CYP2J2: variants seen among roughly 807,000 people sequenced by gnomAD.
The protein encoded by CYP2J2 is cytochrome P450 2J2.
In CYP2J2, 41 loss-of-function variants were observed where a neutral mutation model predicts 48.8. That is an observed-to-expected ratio of 0.84 (90% CI 0.66 to 1.09). The LOEUF is 1.09. Among genes scored for constraint, CYP2J2 ranks in the 50% least tolerant of loss-of-function variants. CYP2J2 has a pLI of 0.00. For missense variants in CYP2J2, 644 were observed against 617.3 expected (o/e 1.04, Z -0.46); for synonymous variants, 221 against 227.1 (o/e 0.97, Z 0.24).
At chr1:59,958,643 T>C in the CYP2J2 span, among the ~76,000 whole-genome samples, 1 of 152,172 alleles carries the variant, frequency 6.6e-6, no homozygotes, top group East Asian at 1.9e-4. Context: ...ACTTGGCATG[T>C]AACTTACTCT....
the CYP2J2 span, among the ~76,000 whole-genome samples, chr1:59,945,510 G>T: frequency 0.028 from 4,169 of 151,586 alleles, 209 homozygotes; most frequent in African/African-American, 0.097. Context: ...GGCCTCCATG[G>T]GCTCTATTGA....
At chr1:59,959,875 A>G in the CYP2J2 span, among the ~76,000 whole-genome samples, 7 of 152,112 alleles carry the variant, frequency 4.6e-5, no homozygotes, top group Non-Finnish European at 7.4e-5. Flanking sequence ...GAATGACACA[A>G]TGGACTTTGG....
At chr1:59,962,586 A>G in the CYP2J2 span, among the ~76,000 whole-genome samples, 1 of 152,346 alleles carries the variant, frequency 6.6e-6, no homozygotes, top group East Asian at 1.9e-4. Context: ...AAGACAAAAA[A>G]TCTGTAAAAA....
At chr1:59,945,215 T>C in the CYP2J2 span, among the ~76,000 whole-genome samples, 1 of 152,178 alleles carries the variant, frequency 6.6e-6, no homozygotes, top group Non-Finnish European at 1.5e-5. Flanking sequence ...CTCTGAATTC[T>C]TTTGTGGTTT....
Position 59,893,687 on chromosome 1 carries a change from T to A in CYP2J2, c.1473A>T (p.Pro491=). The A allele has an allele frequency of 6.2e-7, 1 of 1,612,790 alleles. No individual in the cohort carries two copies. The highest frequency in any genetic ancestry group is 2.2e-5 in the East Asian group (1 of 44,876). Residue 491 remains proline (P), a synonymous_variant, in exon 9 of 9, where the codon CCA becomes CCT. Coordinates refer to ENST00000371204, the MANE Select transcript of CYP2J2 (RefSeq NM_000775.4). ...GAACAGCGCAGAGGCGGTGACTGAC[T>A]GGGGAAATGGTGATACCCATTCTAA... ...LKFRMGITIS[P]VSHRLCAVPQ... is the part of the protein sequence containing the mutation.
intron 8 of CYP2J2, among the ~76,000 whole-genome samples, chr1:59,895,636 G>T (rs1463515075): frequency 3.3e-5 from 5 of 151,558 alleles, no homozygotes; most frequent in Admixed American, 1.3e-4. Context: ...ATATTTTTTT[G>T]ATTTATTTTT....
At chr1:59,923,120 C>T (rs1248233743) in intron 1 of CYP2J2, among the ~76,000 whole-genome samples, 1 of 152,210 alleles carries the variant, frequency 6.6e-6, no homozygotes, top group East Asian at 1.9e-4. Flanking sequence ...ACTCTCTTCC[C>T]TCCGTAGTAA....
chr1:59,904,787 T>A, intron 7 of CYP2J2, 84 bp downstream of exon 7: 1 of 1,185,262 alleles, frequency 8.4e-7, no homozygotes, highest in Non-Finnish European at 1.2e-6. Context: ...ATTTAAATGA[T>A]TCCTTAGGAC....
chr1:59,941,307 C>T, the CYP2J2 span, among the ~76,000 whole-genome samples: 275 of 152,214 alleles, frequency 1.8e-3, 1 homozygote, highest in African/African-American at 6.3e-3. Context: ...ATTCCTATCT[C>T]CTAGTGATGT....
chr1:59,910,168 C>T (rs1201239847), intron 4 of CYP2J2, among the ~76,000 whole-genome samples: 1 of 152,002 alleles, frequency 6.6e-6, no homozygotes, highest in Non-Finnish European at 1.5e-5. Context: ...CCATTTCTCA[C>T]CACCGCAACA....
chr1:59,895,130 T>C (rs905782915), intron 8 of CYP2J2, among the ~76,000 whole-genome samples: 1 of 152,246 alleles, frequency 6.6e-6, no homozygotes, highest in Admixed American at 6.5e-5. Context: ...CACTGATGCA[T>C]GACCAACATC....
Position 59,916,079 on chromosome 1 carries a change from G to A in CYP2J2, c.232C>T (p.Leu78Phe). 1 of 1,609,732 alleles carries A rather than the reference G, an allele frequency of 6.2e-7. No individual in the cohort carries two copies. Among genetic ancestry groups the A allele is most frequent in the Non-Finnish European group, 8.5e-7 (1 of 1,178,560 alleles). ...VQLFVKKYGN[L>F]FSLELGDISA... ...ATGTCACCAAGCTCCAAGCTAAAAA[G>A]GTTCCCATATTTCTTCACAAACTGA... Residue 78 changes from leucine to phenylalanine, a missense_variant, in exon 2 of 9, where the codon CTT becomes TTT. Transcript: ENST00000371204.
chr1:59,962,809 T>A, the CYP2J2 span, among the ~76,000 whole-genome samples: 1 of 152,144 alleles, frequency 6.6e-6, no homozygotes, highest in Non-Finnish European at 1.5e-5. Context: ...ATTCACAAGT[T>A]TAAAAGTGCA....
intron 8 of CYP2J2, among the ~76,000 whole-genome samples, chr1:59,897,500 G>C (rs1009242075): frequency 2.0e-5 from 3 of 152,216 alleles, no homozygotes; most frequent in African/African-American, 7.2e-5. Flanking sequence ...AGGTGTCAAA[G>C]CTTTGGCCTG....
At chr1:59,936,567 T>C in the CYP2J2 span, among the ~76,000 whole-genome samples, 425 of 152,338 alleles carry the variant, frequency 2.8e-3, 1 homozygote, top group African/African-American at 9.9e-3. Flanking sequence ...GTGCCGTCTC[T>C]AGTCCTTCTA....
At chr1:59,896,468 C>T (rs1644270591) in intron 8 of CYP2J2, among the ~76,000 whole-genome samples, 1 of 152,002 alleles carries the variant, frequency 6.6e-6, no homozygotes, top group Non-Finnish European at 1.5e-5. Context: ...TCGATTTTCT[C>T]CCTTTCTTTA....
At chr1:59,956,067 C>A in the CYP2J2 span, among the ~76,000 whole-genome samples, 1 of 151,876 alleles carries the variant, frequency 6.6e-6, no homozygotes, top group Non-Finnish European at 1.5e-5. Context: ...CATGCGTATG[C>A]CTACCTAGGT....
chr1:59,916,354 C>A (rs1644465848), intron 1 of CYP2J2, among the ~76,000 whole-genome samples: 2 of 152,128 alleles, frequency 1.3e-5, no homozygotes, highest in Non-Finnish European at 2.9e-5. Flanking sequence ...TTATAAATAT[C>A]TATTTATGTA....
chr1:59,951,200 C>T, the CYP2J2 span, among the ~76,000 whole-genome samples: 12 of 152,310 alleles, frequency 7.9e-5, no homozygotes, highest in Non-Finnish European at 1.6e-4. Flanking sequence ...AAGGTTTGAC[C>T]TTGATCAGTT....
Sources: gnomAD v4.1 joint callset for allele counts (sites outside exome capture counted in the v4.1 genomes callset) on GRCh38, gnomAD v4.1.1 for gene constraint, MANE v1.5 for transcripts, NCBI Gene and HGNC (gene_info 2026-07-23, HGNC 2026-07-21) for gene names.